The following ABCG8 variants were observed in gnomAD, a reference collection of about 807,000 sequenced individuals.
ABCG8 encodes ATP binding cassette subfamily G member 8, also known as ATP-binding cassette sub-family G member 8.
Under a neutral mutation model 71.3 loss-of-function variants are expected in ABCG8, and 81 were observed. The observed-to-expected ratio is 1.14, with a 90% CI of 0.95 to 1.37. The LOEUF is 1.37. ABCG8 is among the 40% of genes most tolerant of loss of function. The pLI, the probability that ABCG8 is intolerant of heterozygous loss-of-function variation, is 0.00. For synonymous variants in ABCG8, 451 were observed against 354.7 expected (o/e 1.27, Z -3.05); for missense variants, 1,119 against 866.2 (o/e 1.29, Z -3.66).
intron 8 of ABCG8, 119 bp from the exon 9 acceptor site, chr2:43,873,666 AGG>A: frequency 2.1e-6 from 2 of 933,420 alleles, no homozygotes; most frequent in South Asian, 2.7e-5. Flanking sequence ...TCTATGAGGC[AGG>A]TATTACCATC....
At chr2:43,846,119 C>T in intron 2 of ABCG8, 36 bp from the exon 3 acceptor site, 1 of 1,611,660 alleles carries the variant, frequency 6.2e-7, no homozygotes, top group East Asian at 2.2e-5. Context: ...CTGAACCATT[C>T]AGCTCTCTAA....
intron 6 of ABCG8, among the ~76,000 whole-genome samples, chr2:43,859,568 T>C (rs2104929106): frequency 6.6e-6 from 1 of 151,508 alleles, no homozygotes; most frequent in South Asian, 2.1e-4. Context: ...ATTCTCACTC[T>C]GTGGATAGAA....
In ABCG8 at chr2:43,878,425, C is replaced by T. The variant is rs1670032216; in HGVS notation, c.*512C>T. ...TTCTTTTTGTGTGGGGTCATGGGCT[C>T]CAAAAGCCAACGTGAACAATTAAAA... On this transcript the variant is annotated 3_prime_UTR_variant, in exon 13 of 13. Coordinates refer to ENST00000272286, the MANE Select transcript of ABCG8 (RefSeq NM_022437.3). 1 of 215,150 alleles carries T rather than the reference C, an allele frequency of 4.6e-6. No homozygotes were observed. The highest frequency in any genetic ancestry group is 9.5e-6 in the Non-Finnish European group (1 of 105,116). 13.3% of individuals were successfully genotyped at this position (215,150 alleles called of 1,614,324 possible). A position where few individuals can be genotyped will look rare whatever the true frequency, so the allele number is the denominator to read the frequency against.
chr2:43,854,764 T>C (rs1451093585), intron 6 of ABCG8, among the ~76,000 whole-genome samples: 1 of 151,812 alleles, frequency 6.6e-6, no homozygotes, highest in Non-Finnish European at 1.5e-5. Context: ...CTGAGCTGGG[T>C]ATAGGGAGAT....
At chr2:43,849,132 A>T (rs1455655403) in intron 3 of ABCG8, among the ~76,000 whole-genome samples, 3 of 150,784 alleles carry the variant, frequency 2.0e-5, no homozygotes, top group African/African-American at 7.3e-5. Context: ...TGATGAGTTT[A>T]TTGATTTGGA....
intron 2 of ABCG8, among the ~76,000 whole-genome samples, chr2:43,845,623 TC>T (rs1668719532): frequency 6.6e-6 from 1 of 152,140 alleles, no homozygotes; most frequent in African/African-American, 2.4e-5. Flanking sequence ...TTTTCTTTTT[TC>T]CTTACTTTTT....
At chr2:43,852,095 T>C (rs896162825) in intron 4 of ABCG8, among the ~76,000 whole-genome samples, 1 of 152,206 alleles carries the variant, frequency 6.6e-6, no homozygotes, top group African/African-American at 2.4e-5. Flanking sequence ...TGGGCCTCCA[T>C]GTGGGTAGAG....
intron 8 of ABCG8, among the ~76,000 whole-genome samples, chr2:43,872,800 A>G (rs2104946002): frequency 6.6e-6 from 1 of 152,314 alleles, no homozygotes; most frequent in East Asian, 1.9e-4. Flanking sequence ...CAAAATTAAG[A>G]TATCCTCACC....
Position 43,873,841 on chromosome 2 carries a change from G to T in ABCG8, c.1266G>T (p.Ala422=), listed in dbSNP as rs567600982. The part of the protein sequence containing the change: ...RDLPTLLIHG[A]EACLMSMTIG... ...TGCCCACCCTCCTCATCCATGGGGC[G>T]GAGGCCTGTCTGATGTCAATGACCA... The change falls in exon 9 of 13, where the codon GCG becomes GCT. Residue 422 remains alanine (A), a synonymous_variant. Coordinates refer to ENST00000272286, the MANE Select transcript of ABCG8 (RefSeq NM_022437.3). The T allele has an allele frequency of 6.2e-7, 1 of 1,613,830 alleles. No individual in the cohort carries two copies.
At chr2:43,873,598 A>C (rs972537617) in intron 8 of ABCG8, among the ~76,000 whole-genome samples, 189 bp from the exon 9 acceptor site, 4 of 152,150 alleles carry the variant, frequency 2.6e-5, no homozygotes, top group Non-Finnish European at 4.4e-5. Flanking sequence ...TCATTTATTG[A>C]GTACCTACTG....
intron 3 of ABCG8, among the ~76,000 whole-genome samples, chr2:43,851,017 G>C (rs1668897300): frequency 6.6e-6 from 1 of 151,780 alleles, no homozygotes; most frequent in Non-Finnish European, 1.5e-5. Context: ...GTTTTAAATT[G>C]TTTCCACTTC....
In ABCG8 at chr2:43,875,388, G is replaced by A; in HGVS notation, c.1731G>A (p.Met577Ile). 6.2e-7 allele frequency: 1 copy of A among 1,614,080 alleles called. No individual in the cohort carries two copies. ...YNSFYLAGGF[M>I]INLSSLWTVP... is the part of the protein sequence containing the mutation. ...CCTTCTACCTCGCCGGGGGCTTCATGATAAACTTGAGCAGCCTGTGGACAG... is the reference window on the plus strand; with the variant it reads ...CCTTCTACCTCGCCGGGGGCTTCATAATAAACTTGAGCAGCCTGTGGACAG... The change falls in exon 11 of 13, where the codon ATG becomes ATA. Residue 577 changes from methionine (M) to isoleucine (I), a missense_variant. Transcript: ENST00000272286.
chr2:43,844,497 T>C lies in ABCG8; in HGVS notation c.64-10T>C, dbSNP rs1184747582. The C allele has an allele frequency of 3.7e-6, 6 of 1,610,356 alleles. No homozygotes were observed. Among genetic ancestry groups the C allele is most frequent in the South Asian group, 2.2e-5 (2 of 90,982 alleles). On this transcript the variant is annotated splice_polypyrimidine_tract_variant and intron_variant, in intron 1 of 12. Coordinates refer to ENST00000272286, the MANE Select transcript of ABCG8 (RefSeq NM_022437.3). ...CTAAAGGAGCCCCTCATCTCTCCTG[T>C]CTCCCACAGGGCCTCCAGGATAGAT...
At chr2:43,870,997 T>G (rs2104943757) in intron 6 of ABCG8, among the ~76,000 whole-genome samples, 1 of 152,280 alleles carries the variant, frequency 6.6e-6, no homozygotes, top group South Asian at 2.1e-4. Context: ...TCTCACTGTG[T>G]GGGAATAGAA....
rs1670098762 is a variant in ABCG8, at chr2:43,880,388, G to C, written c.*2475G>C. The C allele has an allele frequency of 6.6e-6, 1 of 152,068 alleles. No homozygotes were observed. The highest frequency in any genetic ancestry group is 2.4e-5 in the African/African-American group (1 of 41,384). The allele number at this position is 152,068 out of a possible 1,614,324, so 9.4% of individuals were successfully genotyped here. A position where few individuals can be genotyped will look rare whatever the true frequency, so the allele number is the denominator to read the frequency against. On this transcript the variant is annotated 3_prime_UTR_variant, in exon 13 of 13. Coordinates refer to ENST00000272286, the MANE Select transcript of ABCG8 (RefSeq NM_022437.3). ...AGTGTTTCACCATATTGGCCAGACT[G>C]GTTGTGAACTCTAGGCCTCAAGTGA...
In ABCG8 at chr2:43,851,810, G is replaced by A; in HGVS notation, c.549G>A (p.Gln183=). 6.2e-7 allele frequency: 1 copy of A among 1,614,202 alleles called. No homozygotes were observed. Among genetic ancestry groups the A allele is most frequent in the Non-Finnish European group, 8.5e-7 (1 of 1,180,052 alleles). ...TGCCCAGAACCTTCTCCCAGGCCCA[G>A]CGTGACAAAAGGGTAACTAACTGGC... ...MRLPRTFSQA[Q]RDKRVEDVIA... Residue 183 remains glutamine, a synonymous_variant, in exon 4 of 13, where the codon CAG becomes CAA. Coordinates refer to ENST00000272286, the MANE Select transcript of ABCG8 (RefSeq NM_022437.3).
intron 6 of ABCG8, among the ~76,000 whole-genome samples, chr2:43,855,502 C>G (rs1394852261): frequency 2.0e-5 from 3 of 152,192 alleles, no homozygotes; most frequent in African/African-American, 7.2e-5. Context: ...AGAACTCCCA[C>G]TATCTGGAAA....
chr2:43,874,359 A>G, intron 9 of ABCG8, 48 bp from the exon 10 acceptor site: 2 of 1,381,622 alleles, frequency 1.4e-6, no homozygotes, highest in Middle Eastern at 1.8e-4. Flanking sequence ...GAAGCACTGT[A>G]GATTTATTCT....
intron 11 of ABCG8, among the ~76,000 whole-genome samples, chr2:43,876,290 T>C (rs959098551): frequency 2.0e-5 from 3 of 152,226 alleles, no homozygotes; most frequent in Non-Finnish European, 4.4e-5. Context: ...CCTCTTGGTC[T>C]CTGGTCTCTC....
Sources: allele counts gnomAD v4.1 joint callset (sites outside exome capture counted in the v4.1 genomes callset), GRCh38; gene constraint gnomAD v4.1.1; transcripts MANE v1.5; gene names NCBI Gene and HGNC (gene_info 2026-07-23, HGNC 2026-07-21).